ADAM21: variants seen among roughly 807,000 people sequenced by gnomAD.
The protein encoded by ADAM21 is disintegrin and metalloproteinase domain-containing protein 21.
For missense variants in ADAM21, 678 were observed against 874.4 expected, an observed-to-expected ratio of 0.78 and a Z score of 2.83; for synonymous variants, 262 against 306.0, an observed-to-expected ratio of 0.86 and a Z score of 1.50.
intron 1 of ADAM21, among the ~76,000 whole-genome samples, chr14:70,455,613 C>G (rs190398738): frequency 3.3e-5 from 5 of 152,108 alleles, no homozygotes; most frequent in African/African-American, 9.7e-5. Context: ...TTTATGATAC[C>G]TTTTCCCTAT....
intron 1 of ADAM21, among the ~76,000 whole-genome samples, chr14:70,456,890 T>G (rs1307974896): frequency 6.6e-6 from 1 of 152,050 alleles, no homozygotes; most frequent in East Asian, 1.9e-4. Context: ...TAAATAACTT[T>G]GAGATAAAGA....
At chr14:70,455,176 A>G (rs1889087819) in intron 1 of ADAM21, among the ~76,000 whole-genome samples, 1 of 152,234 alleles carries the variant, frequency 6.6e-6, no homozygotes, top group South Asian at 2.1e-4. Flanking sequence ...TAAGAAGAGA[A>G]TATAAGGAAA....
intron 1 of ADAM21, among the ~76,000 whole-genome samples, chr14:70,456,491 C>T (rs1310156143): frequency 6.6e-6 from 1 of 152,090 alleles, no homozygotes; most frequent in Admixed American, 6.6e-5. Context: ...TGGTTTTTGC[C>T]CTAATAAGAA....
At position 70,459,498 on chromosome 14, in the gene ADAM21, T is replaced by C; in HGVS notation, c.1999T>C (p.Tyr667His). 1 of 1,614,222 alleles carries C rather than the reference T, an allele frequency of 6.2e-7. No homozygotes were observed. The highest frequency in any genetic ancestry group is 8.5e-7 in the Non-Finnish European group (1 of 1,180,036). Residue 667 changes from tyrosine to histidine, a missense_variant, in exon 2 of 2, where the codon TAT (tyrosine) becomes CAT (histidine). Tyr to His is a moderately conservative substitution (Grantham distance 83). Coordinates refer to ENST00000603540, the MANE Select transcript of ADAM21 (RefSeq NM_003813.4). ...CCCACCCTACTGCCAGCACAGAGGCTATGGGGGCAGTATTGACAGTGGCCC... is the reference window on the plus strand; with the variant it reads ...CCCACCCTACTGCCAGCACAGAGGCCATGGGGGCAGTATTGACAGTGGCCC... ...WSPPYCQHRG[Y>H]GGSIDSGPAS...
In ADAM21 at chr14:70,459,739, A is replaced by C; in HGVS notation, c.*71A>C. 2 of 1,541,252 alleles carry C rather than the reference A, an allele frequency of 1.3e-6. No individual in the cohort carries two copies. Among genetic ancestry groups the C allele is most frequent in the Non-Finnish European group, 1.8e-6 (2 of 1,139,806 alleles). ...CTCTTGGCAGTAGAAACATTAGTAC[A>C]TCCCTGAAACTGAGCACATTTCTGA... is the stretch of plus-strand genomic sequence containing the variant. On this transcript the variant is annotated 3_prime_UTR_variant, in exon 2 of 2. Coordinates refer to ENST00000603540, the MANE Select transcript of ADAM21 (RefSeq NM_003813.4).
At position 70,457,521 on chromosome 14, in the gene ADAM21, G is replaced by C. The variant is rs771180264; in HGVS notation, c.22G>C (p.Val8Leu). 1 of 1,588,684 alleles carries C rather than the reference G, an allele frequency of 6.3e-7. No homozygotes were observed. MAVDGTL[V>L]YIRVTLLLLW... ...CATAATGGCAGTGGATGGGACCCTC[G>C]TGTACATCAGAGTCACTCTTCTGCT... is the stretch of plus-strand genomic sequence containing the variant. Residue 8 changes from valine to leucine, a missense_variant, in exon 2 of 2, where the codon GTG becomes CTG. Val to Leu is a conservative substitution (Grantham distance 32). Coordinates refer to ENST00000603540, the MANE Select transcript of ADAM21 (RefSeq NM_003813.4).
At chr14:70,455,056 C>T (rs1336977947) in intron 1 of ADAM21, among the ~76,000 whole-genome samples, 3 of 152,030 alleles carry the variant, frequency 2.0e-5, no homozygotes, top group East Asian at 1.9e-4. Context: ...AGGTTCAATA[C>T]GGTAAGTAGA....
intron 1 of ADAM21, among the ~76,000 whole-genome samples, chr14:70,452,515 G>A (rs1156989322): frequency 2.0e-5 from 3 of 152,084 alleles, no homozygotes; most frequent in Non-Finnish European, 2.9e-5. Context: ...GCAGGTGCCC[G>A]CCACCACGCC....
At position 70,458,863 on chromosome 14, in the gene ADAM21, G is replaced by T; in HGVS notation, c.1364G>T (p.Cys455Phe). The T allele has an allele frequency of 6.2e-7, 1 of 1,614,154 alleles. No individual in the cohort carries two copies. The highest frequency in any genetic ancestry group is 8.5e-7 in the Non-Finnish European group (1 of 1,180,028). The change falls in exon 2 of 2, where the codon TGC (cysteine) becomes TTC (phenylalanine). Residue 455 changes from cysteine (C) to phenylalanine (F), a missense_variant. By Grantham distance (205) the Cys-to-Phe change is radical (BLOSUM62 -2). Transcript: ENST00000603540. ...ACAFGLCCKD[C>F]KFMPSGELCR... is the part of the protein sequence containing the mutation. ...GCTTTTGGGCTTTGTTGCAAAGACT[G>T]CAAGTTCATGCCATCAGGGGAACTC...
At chr14:70,457,120 T>G (rs1882424186) in intron 1 of ADAM21, among the ~76,000 whole-genome samples, 1 of 152,222 alleles carries the variant, frequency 6.6e-6, no homozygotes, top group Non-Finnish European at 1.5e-5. Context: ...CCATACTGCC[T>G]GTAAAGACTG....
rs148516219 is a variant in ADAM21 at position 70,458,772 on chromosome 14, G to C, written c.1273G>C (p.Val425Leu). ...AGAAGAGCAGTGTGACTGTGGATCC[G>C]TACAGCAGTGTGAACAAGACGCCTG... ...EREEQCDCGS[V>L]QQCEQDACCL... Residue 425 changes from valine to leucine, a missense_variant, in exon 2 of 2, where the codon GTA becomes CTA. By Grantham distance (32) the Val-to-Leu change is conservative (BLOSUM62 1). Transcript: ENST00000603540. 2 of 1,614,046 alleles carry C rather than the reference G, an allele frequency of 1.2e-6. No homozygotes were observed. Among genetic ancestry groups the C allele is most frequent in the Admixed American group, 1.7e-5 (1 of 60,008 alleles).
At chr14:70,453,263 A>G (rs1008734016) in intron 1 of ADAM21, 1 of 152,242 alleles carries the variant, frequency 6.6e-6, no homozygotes, top group Non-Finnish European at 1.5e-5. Context: ...TGGGACAGAT[A>G]TTAGTGACAG....
rs1243009603 is a variant in ADAM21 at position 70,458,028 on chromosome 14, G to C, written c.529G>C (p.Glu177Gln). 1 of 1,613,966 alleles carries C rather than the reference G, an allele frequency of 6.2e-7. No individual in the cohort carries two copies. Among genetic ancestry groups the C allele is most frequent in the Non-Finnish European group, 8.5e-7 (1 of 1,180,040 alleles). ...CCCAGCTATGAGATGTGGCTTAACA[G>C]AGAAGGAAGTAGCACGCCAACAGTT... ...QFPAMRCGLTEKEVARQQLEF... is the reference protein window; with the variant it reads ...QFPAMRCGLTQKEVARQQLEF... Residue 177 changes from glutamate (E) to glutamine (Q), a missense_variant, in exon 2 of 2, where the codon GAG becomes CAG. Coordinates refer to ENST00000603540, the MANE Select transcript of ADAM21 (RefSeq NM_003813.4).
rs1566638012 is a variant in ADAM21 at position 70,459,794 on chromosome 14, C to T, written c.*126C>T. The T allele has an allele frequency of 8.9e-7, 1 of 1,124,110 alleles. No homozygotes were observed. The highest frequency in any genetic ancestry group is 1.5e-5 in the South Asian group (1 of 65,784). The allele number at this position is 1,124,110 out of a possible 1,614,324, so 69.6% of individuals were successfully genotyped here. ...TTCCAGAAAGCTGCAAAGATCTTCC[C>T]TTACATTAGTACCACAAACATTGTC... On this transcript the variant is annotated 3_prime_UTR_variant, in exon 2 of 2. Transcript: ENST00000603540.
At chr14:70,453,696 C>T (rs756117777) in intron 1 of ADAM21, among the ~76,000 whole-genome samples, 6 of 152,182 alleles carry the variant, frequency 3.9e-5, no homozygotes, top group Non-Finnish European at 8.8e-5. Flanking sequence ...CCATCCACAA[C>T]AACTGTCACT....
At position 70,459,283 on chromosome 14, in the gene ADAM21, A is replaced by G. The variant is rs1228282162; in HGVS notation, c.1784A>G (p.Tyr595Cys). The stretch of plus-strand genomic sequence containing the variant: ...GGTGTCACCTGCTGGGGTATTGACT[A>G]TCATTTAAGGATGAACATATCTGAC... ...INGVTCWGID[Y>C]HLRMNISDIG... Residue 595 changes from tyrosine (Y) to cysteine (C), a missense_variant, in exon 2 of 2, where the codon TAT (tyrosine) becomes TGT (cysteine). By Grantham distance (194) the Tyr-to-Cys change is radical. Transcript: ENST00000603540. The G allele has an allele frequency of 6.2e-7, 1 of 1,614,222 alleles. No individual in the cohort carries two copies.
At chr14:70,456,108 G>C (rs1882397221) in intron 1 of ADAM21, among the ~76,000 whole-genome samples, 1 of 152,100 alleles carries the variant, frequency 6.6e-6, no homozygotes, top group South Asian at 2.1e-4. Context: ...ACAGTCATTT[G>C]AGACTATGAT....
Position 70,459,006 on chromosome 14 carries a change from T to C in ADAM21, c.1507T>C (p.Tyr503His). 6.2e-6 allele frequency: 10 copies of C among 1,614,076 alleles called. No homozygotes were observed. The highest frequency in any genetic ancestry group is 8.5e-6 in the Non-Finnish European group (10 of 1,179,998). ...CCCCTGTAGTGACAGTGCCTACTGC[T>C]ATCAAAAGAGGTGTAATAACCATGA... Reference protein sequence around the residue: ...GIPCSDSAYCYQKRCNNHDQH... With the variant: ...GIPCSDSAYCHQKRCNNHDQH... The change falls in exon 2 of 2, where the codon TAT becomes CAT. Residue 503 changes from tyrosine (Y) to histidine (H), a missense_variant. Coordinates refer to ENST00000603540, the MANE Select transcript of ADAM21 (RefSeq NM_003813.4).
At chr14:70,457,307 A>T in intron 1 of ADAM21, 42 bp from the exon 2 acceptor site, 1 of 720,314 alleles carries the variant, frequency 1.4e-6, no homozygotes, top group African/African-American at 1.8e-5. Flanking sequence ...CTGATTCCTT[A>T]CTTATCACCT....
Sources: gnomAD v4.1 joint callset for allele counts (sites outside exome capture counted in the v4.1 genomes callset) on GRCh38, gnomAD v4.1.1 for gene constraint, MANE v1.5 for transcripts, NCBI Gene and HGNC (gene_info 2026-07-23, HGNC 2026-07-21) for gene names.